The following YTHDC2 variants were observed in gnomAD, a reference collection of about 807,000 sequenced individuals.
YTHDC2 encodes the protein 3'-5' RNA helicase YTHDC2.
In YTHDC2, 45 loss-of-function variants were observed where a neutral mutation model predicts 174.9. The ratio of observed to expected loss-of-function variants is 0.26; its 90% confidence interval spans 0.20 to 0.33. YTHDC2 has a LOEUF of 0.33. YTHDC2 is among the 10% of genes least tolerant of loss of function. The probability of loss-of-function intolerance (pLI) is 1.00; values close to 1 mark genes in which losing one functional copy is unlikely to be tolerated. For synonymous variants in YTHDC2, 657 were observed against 574.5 expected (o/e 1.14, Z -2.05); for missense variants, 1,650 against 1,723.7 (o/e 0.96, Z 0.76).
At chr5:113,532,692 A>C (rs1164201604) in intron 4 of YTHDC2, among the ~76,000 whole-genome samples, 187 bp from the exon 5 acceptor site, 1 of 152,174 alleles carries the variant, frequency 6.6e-6, no homozygotes, top group Non-Finnish European at 1.5e-5. Context: ...TTTAGTTTCT[A>C]TTGTGAGCAA....
chr5:113,533,993 C>G (rs113103718), intron 5 of YTHDC2, among the ~76,000 whole-genome samples: 1 of 151,896 alleles, frequency 6.6e-6, no homozygotes, highest in African/African-American at 2.4e-5. Flanking sequence ...TTTTTTTATT[C>G]TCAGTGGTGA....
chr5:113,534,510 A>T (rs1774919975), intron 6 of YTHDC2, 103 bp downstream of exon 6: 3 of 948,240 alleles, frequency 3.2e-6, no homozygotes, highest in Non-Finnish European at 4.9e-6. Flanking sequence ...ACATAATTAC[A>T]TTTTTGGAAT....
intron 4 of YTHDC2, among the ~76,000 whole-genome samples, chr5:113,528,652 G>A (rs1258412110): frequency 1.3e-5 from 2 of 151,980 alleles, no homozygotes; most frequent in Non-Finnish European, 2.9e-5. Context: ...AGGACTATAG[G>A]TGCATGCCAC....
At position 113,541,109 on chromosome 5, in the gene YTHDC2, G is replaced by A. The variant is rs367975063; in HGVS notation, c.1352G>A (p.Ser451Asn). ...GATGATGGTGGTGATGCTGTCTTCA[G>A]TCAGCTGGTATGACCTCCCTGGTTT... Reference protein sequence around the residue: ...LLDDGGDAVFSQLTEKDVNCL... With the variant: ...LLDDGGDAVFNQLTEKDVNCL... Residue 451 changes from serine to asparagine, a missense_variant, in exon 9 of 30, where the codon AGT becomes AAT. Around this residue, in one of 5 missense-constraint regions of YTHDC2, gnomAD observed 411 missense variants for 380.6 expected, o/e 1.08. Coordinates refer to ENST00000161863, the MANE Select transcript of YTHDC2 (RefSeq NM_022828.5). 98 of 1,613,886 alleles carry A rather than the reference G, an allele frequency of 6.1e-5. 1 individual carries two copies. The highest frequency in any genetic ancestry group is 8.0e-5 in the African/African-American group (6 of 74,894).
intron 26 of YTHDC2, among the ~76,000 whole-genome samples, chr5:113,586,355 T>C (rs1778679129): frequency 6.6e-6 from 1 of 152,004 alleles, no homozygotes. Context: ...TGTTGGTTTT[T>C]GTTGATTTGT....
chr5:113,576,006 T>A (rs6865809), intron 23 of YTHDC2, among the ~76,000 whole-genome samples: 51,062 of 152,036 alleles, frequency 0.34, 11,095 homozygotes, highest in African/African-American at 0.6. Context: ...TGTCACTCAT[T>A]TGAGATTCAG....
intron 24 of YTHDC2, chr5:113,579,905 A>G: frequency 1.0e-6 from 1 of 985,304 alleles, no homozygotes; most frequent in Non-Finnish European, 1.2e-6. Flanking sequence ...GTGGCTCATT[A>G]TTTAAGCAAG....
chr5:113,536,717 C>T (rs771074732), intron 7 of YTHDC2, among the ~76,000 whole-genome samples: 5 of 151,850 alleles, frequency 3.3e-5, no homozygotes, highest in African/African-American at 4.8e-5. Context: ...CAAATATATA[C>T]GTATTTATAA....
intron 3 of YTHDC2, 40 bp downstream of exon 3, chr5:113,525,217 T>C (rs769364629): frequency 5.6e-6 from 8 of 1,439,282 alleles, no homozygotes; most frequent in Non-Finnish European, 6.5e-6. Flanking sequence ...TACCCTATTA[T>C]TTGATGACTG....
intron 4 of YTHDC2, among the ~76,000 whole-genome samples, chr5:113,531,994 A>G (rs922042810): frequency 1.3e-5 from 2 of 152,212 alleles, no homozygotes; most frequent in African/African-American, 4.8e-5. Flanking sequence ...TACTACATAT[A>G]TCTTTCTAAA....
intron 2 of YTHDC2, among the ~76,000 whole-genome samples, chr5:113,516,425 A>T (rs1215258767): frequency 1.3e-5 from 2 of 152,206 alleles, no homozygotes; most frequent in Non-Finnish European, 2.9e-5. Flanking sequence ...AAAACTCTAA[A>T]ATTCTGTGGC....
intron 18 of YTHDC2, 23 bp from the exon 19 acceptor site, chr5:113,563,350 T>G: frequency 1.3e-6 from 2 of 1,571,554 alleles, no homozygotes; most frequent in Non-Finnish European, 1.7e-6. Context: ...TTTTAAAAAA[T>G]TATTTACTGT....
intron 23 of YTHDC2, among the ~76,000 whole-genome samples, chr5:113,576,651 A>G (rs1477032412): frequency 2.0e-5 from 3 of 152,160 alleles, no homozygotes; most frequent in Non-Finnish European, 2.9e-5. Context: ...ATTTCTGTCA[A>G]AAAGAAATAA....
chr5:113,527,848 G>A (rs958685707), intron 4 of YTHDC2, among the ~76,000 whole-genome samples: 4 of 152,084 alleles, frequency 2.6e-5, no homozygotes, highest in Non-Finnish European at 5.9e-5. Flanking sequence ...GAGTGCAGTG[G>A]TGCTATCTCG....
intron 23 of YTHDC2, 119 bp from the exon 24 acceptor site, chr5:113,579,467 C>T (rs1283796614): frequency 3.3e-6 from 2 of 598,340 alleles, no homozygotes; most frequent in South Asian, 4.5e-5. Context: ...AAGGACTTCC[C>T]ACACAAATTG....
chr5:113,566,123 C>A, intron 21 of YTHDC2, 104 bp downstream of exon 21: 2 of 1,270,936 alleles, frequency 1.6e-6, no homozygotes, highest in Non-Finnish European at 2.1e-6. Flanking sequence ...ATTTTTATGA[C>A]ATTATCATGT....
rs147981285 is a variant in YTHDC2 at position 113,553,135 on chromosome 5, T to C, written c.1689-46T>C. ...ATTTGAAGGACATAAGGATTACTTT[T>C]GTTAATGGAAATTGACTTTGTCTTT... On this transcript the variant is annotated intron_variant, in intron 12 of 29. Coordinates refer to ENST00000161863, the MANE Select transcript of YTHDC2 (RefSeq NM_022828.5). The C allele has an allele frequency of 3.4e-3, 4,981 of 1,448,478 alleles. 27 individuals are homozygous for C. The highest frequency in any genetic ancestry group is 0.014 in the Middle Eastern group (79 of 5,502). 89.7% of individuals were successfully genotyped at this position (1,448,478 alleles called of 1,614,324 possible).
intron 23 of YTHDC2, among the ~76,000 whole-genome samples, chr5:113,578,475 C>T (rs1778203897): frequency 1.3e-5 from 2 of 152,042 alleles, no homozygotes; most frequent in African/African-American, 4.8e-5. Context: ...AATTATTTAG[C>T]CTATTGATGT....
At position 113,582,815 on chromosome 5, in the gene YTHDC2, T is replaced by A. The variant is rs1448484929; in HGVS notation, c.3647+1106T>A. ...AAGAGGAATAAAACATTGGTTTCCA[T>A]GTTCTTCAGATATTACATTTTAGTA... On this transcript the variant is annotated intron_variant, in intron 25 of 29. Coordinates refer to ENST00000161863, the MANE Select transcript of YTHDC2 (RefSeq NM_022828.5). 4 of 152,184 alleles carry A rather than the reference T, an allele frequency of 2.6e-5. No homozygotes were observed. In the South Asian group the frequency reaches 8.3e-4, roughly 31 times the overall value. 9.4% of individuals were successfully genotyped at this position (152,184 alleles called of 1,614,324 possible). A position where few individuals can be genotyped will look rare whatever the true frequency, so the allele number is the denominator to read the frequency against.
Sources: gnomAD v4.1 joint callset for allele counts (sites outside exome capture counted in the v4.1 genomes callset) on GRCh38, gnomAD v4.1.1 for gene constraint, gnomAD v4.1.1 regional missense constraint, MANE v1.5 for transcripts, NCBI Gene and HGNC (gene_info 2026-07-23, HGNC 2026-07-21) for gene names.